THSD4: variants seen among roughly 807,000 people sequenced by gnomAD.
THSD4 encodes the protein thrombospondin type-1 domain-containing protein 4.
Under a neutral mutation model 119.0 loss-of-function variants are expected in THSD4, and 69 were observed. The observed-to-expected ratio is 0.58, with a 90% CI of 0.48 to 0.71. THSD4 has a LOEUF of 0.71. Among genes scored for constraint, THSD4 ranks in the 30% least tolerant of loss-of-function variants. The probability of loss-of-function intolerance (pLI) is 0.00; values close to 1 mark genes in which losing one functional copy is unlikely to be tolerated. For synonymous variants in THSD4, 524 were observed against 540.4 expected, an observed-to-expected ratio of 0.97 and a Z score of 0.42; for missense variants, 1,393 against 1,391.1, an observed-to-expected ratio of 1.00 and a Z score of -0.02.
At chr15:71,346,254 C>T (rs1349214243) in intron 6 of THSD4, among the ~76,000 whole-genome samples, 1 of 152,094 alleles carries the variant, frequency 6.6e-6, no homozygotes, top group Non-Finnish European at 1.5e-5. Context: ...TGCAGTGTTT[C>T]CTCATGATTA....
At chr15:71,675,753 A>G (rs575501720) in intron 8 of THSD4, among the ~76,000 whole-genome samples, 7 of 152,316 alleles carry the variant, frequency 4.6e-5, no homozygotes, top group African/African-American at 1.7e-4. Context: ...GTGGTAAACA[A>G]TTTGTGAGGG....
At chr15:71,768,277 C>CAAA (rs112135859) in intron 16 of THSD4, among the ~76,000 whole-genome samples, 15 of 49,402 alleles carry the variant, frequency 3.0e-4, no homozygotes, top group Admixed American at 6.3e-4. Context: ...CAAAAAAAAC[C>CAAA]AAAAAAAAAC....
intron 6 of THSD4, among the ~76,000 whole-genome samples, chr15:71,280,612 C>G (rs12909022): frequency 0.65 from 94,496 of 145,038 alleles, 30,561 homozygotes; most frequent in East Asian, 0.84. Flanking sequence ...CCCTCCCTCC[C>G]TCTCTCTCTC....
chr15:71,485,266 A>G (rs1284772333), intron 7 of THSD4, among the ~76,000 whole-genome samples: 1 of 152,188 alleles, frequency 6.6e-6, no homozygotes, highest in African/African-American at 2.4e-5. Context: ...GAGGGACCTT[A>G]AGAAATGAGT....
intron 6 of THSD4, among the ~76,000 whole-genome samples, chr15:71,326,700 A>AAAATATATATATATATAT (rs1555464320): frequency 1.5e-4 from 1 of 6,454 alleles, no homozygotes; most frequent in African/African-American, 3.4e-4. Flanking sequence ...AAAAAAAAAA[A>AAAATATATATATATATAT]ATATATATAT....
At chr15:71,688,714 TG>T (rs2051975190) in intron 8 of THSD4, among the ~76,000 whole-genome samples, 1 of 146,238 alleles carries the variant, frequency 6.8e-6, no homozygotes, top group African/African-American at 2.5e-5. Flanking sequence ...TCTCTGTGTG[TG>T]TGTGTGTGTG....
chr15:71,735,647 GCT>G lies in THSD4; in HGVS notation c.1631-2080_1631-2079del, dbSNP rs1491537180. On this transcript the variant is annotated intron_variant, in intron 10 of 17. Transcript: ENST00000261862. ...GTTTCTCTCTCTTGCTGTCTCTCTTGCTCTCTGTCTCTCTCTCGTTCTCTGTC... is the reference window on the plus strand; with the variant it reads ...GTTTCTCTCTCTTGCTGTCTCTCTTGCTCTGTCTCTCTCTCGTTCTCTGTC... Among the ~76,000 whole-genome samples, 5 of 124,512 alleles carry G rather than the reference GCT, an allele frequency of 4.0e-5. No homozygotes were observed. The East Asian group carries it at 1.2e-3, about 31-fold the overall frequency. 81.7% of individuals were successfully genotyped at this position (124,512 alleles called of 152,430 possible).
At chr15:71,748,382 A>C in intron 13 of THSD4, 39 bp from the exon 14 acceptor site, 1 of 1,610,166 alleles carries the variant, frequency 6.2e-7, no homozygotes, top group Non-Finnish European at 8.5e-7. Flanking sequence ...CCAGAGCTGA[A>C]GCTGCTGGTT....
intron 1 of THSD4, among the ~76,000 whole-genome samples, chr15:71,127,725 G>A (rs574220837): frequency 3.9e-5 from 6 of 152,298 alleles, no homozygotes; most frequent in African/African-American, 9.6e-5. Context: ...TTTGAGAAAT[G>A]TCTATTCAGG....
chr15:71,222,888 T>C (rs920675571), intron 4 of THSD4, among the ~76,000 whole-genome samples: 1 of 152,210 alleles, frequency 6.6e-6, no homozygotes, highest in African/African-American at 2.4e-5. Context: ...GTGCAGCTTC[T>C]GGGATTGACA....
intron 14 of THSD4, among the ~76,000 whole-genome samples, chr15:71,749,219 C>T (rs143771565): frequency 8.5e-4 from 130 of 152,260 alleles, no homozygotes; most frequent in Admixed American, 2.0e-3. Flanking sequence ...AAAGTGGTTA[C>T]GATGGTCAAT....
intron 7 of THSD4, among the ~76,000 whole-genome samples, chr15:71,545,641 G>A (rs142805054): frequency 3.9e-5 from 6 of 152,270 alleles, no homozygotes; most frequent in African/African-American, 7.2e-5. Flanking sequence ...GAGGTTACTC[G>A]GTAGATAACT....
At chr15:71,375,298 C>T (rs1239186487) in intron 6 of THSD4, among the ~76,000 whole-genome samples, 1 of 152,130 alleles carries the variant, frequency 6.6e-6, no homozygotes, top group Non-Finnish European at 1.5e-5. Context: ...ATGTTTTCTC[C>T]CTCTTCCTGA....
intron 6 of THSD4, among the ~76,000 whole-genome samples, chr15:71,364,477 G>C (rs2140424773): frequency 6.6e-6 from 1 of 152,316 alleles, no homozygotes; most frequent in East Asian, 1.9e-4. Flanking sequence ...AGTTACTTCA[G>C]CTGTCTTCAC....
intron 7 of THSD4, among the ~76,000 whole-genome samples, chr15:71,522,939 A>C (rs919831803): frequency 2.0e-5 from 3 of 152,196 alleles, no homozygotes; most frequent in Admixed American, 6.5e-5. Flanking sequence ...AGGGGCAGCC[A>C]AGCCTGTCTG....
upstream of THSD4, chr15:71,111,444 A>C (rs1370217450): frequency 2.5e-6 from 4 of 1,581,472 alleles, no homozygotes; most frequent in Admixed American, 7.3e-5. Flanking sequence ...AGGAAGAAAA[A>C]GGACTGGGTT....
chr15:71,566,629 C>T (rs1364149451), intron 7 of THSD4, among the ~76,000 whole-genome samples: 1 of 152,106 alleles, frequency 6.6e-6, no homozygotes, highest in Non-Finnish European at 1.5e-5. Context: ...CCATCCCTAC[C>T]TTTCCTACCC....
chr15:71,705,491 C>T (rs979358086), intron 8 of THSD4, among the ~76,000 whole-genome samples: 5 of 152,194 alleles, frequency 3.3e-5, no homozygotes, highest in African/African-American at 1.2e-4. Context: ...TTGCCATGCA[C>T]AGGAGTTCCA....
chr15:71,263,498 G>A (rs62015473), intron 6 of THSD4, among the ~76,000 whole-genome samples: 27,315 of 151,838 alleles, frequency 0.18, 2,917 homozygotes, highest in Middle Eastern at 0.28. Context: ...TATTCCTTTG[G>A]GTATGTACCC....
Sources: allele counts gnomAD v4.1 joint callset (sites outside exome capture counted in the v4.1 genomes callset), GRCh38; gene constraint gnomAD v4.1.1; transcripts MANE v1.5; gene names NCBI Gene and HGNC (gene_info 2026-07-23, HGNC 2026-07-21).